The following SMN1 variants were observed in gnomAD, a reference collection of about 807,000 sequenced individuals.
SMN1 encodes survival motor neuron protein.
For synonymous variants in SMN1, 3 were observed against 5.1 expected (o/e 0.58, Z 0.56); for missense variants, 15 against 17.1 (o/e 0.88, Z 0.22).
intron 5 of SMN1, among the ~76,000 whole-genome samples, chr5:70,944,183 AATGATGT>A: frequency 6.6e-6 from 1 of 151,856 alleles, no homozygotes; most frequent in African/African-American, 2.4e-5. Context: ...TTGAATCTAA[AATGATGT>A]ACCCTCTTAG....
downstream of SMN1, among the ~76,000 whole-genome samples, chr5:70,956,582 C>G (rs1749910272): frequency 6.8e-6 from 1 of 147,434 alleles, no homozygotes; most frequent in African/African-American, 2.5e-5. Flanking sequence ...AATCCTTTCC[C>G]CATTGCTTGT....
intron 7 of SMN1, among the ~76,000 whole-genome samples, chr5:70,948,332 G>T (rs1339088750): frequency 6.8e-6 from 1 of 147,796 alleles, no homozygotes; most frequent in East Asian, 2.0e-4. Context: ...TGGATCACGA[G>T]GTCAGGAGAT....
At chr5:70,951,422 C>T (rs1407110732) in intron 7 of SMN1, among the ~76,000 whole-genome samples, 1 of 151,892 alleles carries the variant, frequency 6.6e-6, no homozygotes, top group African/African-American at 2.4e-5. Context: ...TAGAGGTCCC[C>T]ACCACCATGC....
chr5:70,955,304 C>T (rs1197015355), downstream of SMN1, among the ~76,000 whole-genome samples: 2 of 142,150 alleles, frequency 1.4e-5, no homozygotes, highest in African/African-American at 5.1e-5. Flanking sequence ...GTGACATGAT[C>T]TATGTTGCCC....
rs1749782697 is a variant in SMN1 at position 70,952,112 on chromosome 5, G to A, written c.*3+118G>A. 7.7e-6 allele frequency: 12 copies of A among 1,553,534 alleles called. 1 individual carries two copies. Among genetic ancestry groups the A allele is most frequent in the Non-Finnish European group, 6.1e-6 (7 of 1,147,566 alleles). The stretch of plus-strand genomic sequence containing the variant: ...GATGTTAAAAAGTTGAAAGGTTAAT[G>A]TAAAACAATCAATATTAAAGAATTT... On this transcript the variant is annotated intron_variant, in intron 8 of 8. Transcript: ENST00000380707.
At chr5:70,955,742 GC>G (rs1249619532), downstream of SMN1, among the ~76,000 whole-genome samples, 4 of 148,292 alleles carry the variant, frequency 2.7e-5, no homozygotes, top group Non-Finnish European at 4.4e-5. Flanking sequence ...CCAAGATCAT[GC>G]CACTACACTC....
the SMN1 span, among the ~76,000 whole-genome samples, chr5:70,959,312 C>G: frequency 5.3e-5 from 8 of 150,002 alleles, no homozygotes; most frequent in East Asian, 1.2e-3. Flanking sequence ...TGCTAAATGA[C>G]GAGTTAATGG....
chr5:70,957,393 C>T (rs1470386083), downstream of SMN1, among the ~76,000 whole-genome samples: 10 of 129,710 alleles, frequency 7.7e-5, no homozygotes, highest in East Asian at 2.4e-4. Flanking sequence ...CTGTCTTGTG[C>T]GTGTTTTCAA....
downstream of SMN1, among the ~76,000 whole-genome samples, chr5:70,954,710 C>T (rs563483368): frequency 9.5e-4 from 48 of 50,280 alleles, 17 homozygotes; most frequent in East Asian, 3.8e-3. Flanking sequence ...AAAATTAGCC[C>T]GGCATGGTGG....
the SMN1 span, among the ~76,000 whole-genome samples, chr5:70,960,171 G>T: frequency 1.3e-5 from 2 of 150,296 alleles, no homozygotes; most frequent in African/African-American, 4.9e-5. Flanking sequence ...TTAATTTTCT[G>T]TTGTTTATAT....
the SMN1 span, among the ~76,000 whole-genome samples, chr5:70,959,358 T>C: frequency 1.3e-5 from 2 of 149,210 alleles, 1 homozygote; most frequent in South Asian, 4.4e-4. Context: ...TATACATATG[T>C]AACTAACCTG....
chr5:70,950,764 G>A (rs1580893239), intron 7 of SMN1, among the ~76,000 whole-genome samples: 2 of 144,902 alleles, frequency 1.4e-5, no homozygotes, highest in African/African-American at 5.0e-5. Flanking sequence ...TCAGCCTCCC[G>A]AGTAGCTGGG....
the SMN1 span, among the ~76,000 whole-genome samples, chr5:70,959,149 C>T: frequency 6.7e-6 from 1 of 148,958 alleles, no homozygotes; most frequent in Non-Finnish European, 1.5e-5. Context: ...AGTAAACTAT[C>T]GCAAGGACAA....
At chr5:70,960,410 G>C in the SMN1 span, among the ~76,000 whole-genome samples, 81 of 149,324 alleles carry the variant, frequency 5.4e-4, no homozygotes, top group African/African-American at 1.9e-3. Context: ...TTCCCAGCTG[G>C]GGTTGAACAG....
chr5:70,950,162 A>G (rs1422344911), intron 7 of SMN1, among the ~76,000 whole-genome samples: 1 of 150,150 alleles, frequency 6.7e-6, no homozygotes, highest in African/African-American at 2.5e-5. Context: ...TCACGCCGGT[A>G]ATCCCAACAC....
At chr5:70,955,579 GA>G (rs1429826096), downstream of SMN1, among the ~76,000 whole-genome samples, 2 of 141,914 alleles carry the variant, frequency 1.4e-5, no homozygotes, top group African/African-American at 2.6e-5. Context: ...GGTAGTTCGA[GA>G]CCAGCCTGGC....
chr5:70,945,633 AT>A (rs540134415), intron 6 of SMN1, among the ~76,000 whole-genome samples: 43 of 86,836 alleles, frequency 5.0e-4, no homozygotes, highest in Admixed American at 5.1e-4. Flanking sequence ...TTTATGCTTG[AT>A]TTTTTTTTTT....
the SMN1 span, among the ~76,000 whole-genome samples, chr5:70,959,287 A>C: frequency 5.3e-5 from 8 of 150,428 alleles, no homozygotes; most frequent in South Asian, 1.5e-3. Context: ...GGATAGCATT[A>C]GGAGATATAT....
At chr5:70,944,127 T>A (rs1749488936) in intron 5 of SMN1, among the ~76,000 whole-genome samples, 2 of 150,854 alleles carry the variant, frequency 1.3e-5, no homozygotes. Context: ...TTTTAAGATT[T>A]TCTGTGATAA....
Sources: gnomAD v4.1 joint callset for allele counts (sites outside exome capture counted in the v4.1 genomes callset) on GRCh38, gnomAD v4.1.1 for gene constraint, MANE v1.5 for transcripts, NCBI Gene and HGNC (gene_info 2026-07-23, HGNC 2026-07-21) for gene names.